The following KCNQ3 variants were observed in gnomAD, a reference collection of about 807,000 sequenced individuals.
KCNQ3 encodes potassium voltage-gated channel subfamily Q member 3.
KCNQ3 carries 30 observed loss-of-function variants against 92.5 expected under a neutral mutation model. The ratio of observed to expected loss-of-function variants is 0.32; its 90% CI spans 0.24 to 0.44. The LOEUF is 0.44. Ranked by LOEUF, KCNQ3 falls within the 20% of genes least tolerant of loss-of-function variation. The probability of loss-of-function intolerance (pLI) is 1.00; values close to 1 mark genes in which losing one functional copy is unlikely to be tolerated. For synonymous variants in KCNQ3, 450 were observed against 468.8 expected (o/e 0.96, Z 0.52); for missense variants, 913 against 1,140.3 (o/e 0.80, Z 2.87).
At chr8:132,141,442 T>C in intron 9 of KCNQ3, 111 bp from the exon 10 acceptor site, 1 of 950,936 alleles carries the variant, frequency 1.1e-6, no homozygotes, top group Admixed American at 2.0e-5. Flanking sequence ...ATGGGGACCG[T>C]GCATTTCACA....
At chr8:132,183,956 C>T (rs957362298) in intron 3 of KCNQ3, among the ~76,000 whole-genome samples, 2 of 152,156 alleles carry the variant, frequency 1.3e-5, no homozygotes, top group African/African-American at 4.8e-5. Context: ...CAATATCCTG[C>T]AACCTGCTTG....
intron 1 of KCNQ3, among the ~76,000 whole-genome samples, chr8:132,269,859 G>A (rs1816098788): frequency 6.6e-6 from 1 of 152,148 alleles, no homozygotes; most frequent in South Asian, 2.1e-4. Context: ...GAGGGCAGGG[G>A]CTCATAAATA....
chr8:132,146,480 G>T (rs943869601), intron 9 of KCNQ3, among the ~76,000 whole-genome samples: 2 of 152,206 alleles, frequency 1.3e-5, no homozygotes, highest in Non-Finnish European at 2.9e-5. Context: ...CAGGGCCTGG[G>T]AGCATGGAAC....
chr8:132,154,192 A>ATTTTTTTTTTTTTTTTTTTTT (rs1563775830), intron 9 of KCNQ3, among the ~76,000 whole-genome samples: 7 of 104,474 alleles, frequency 6.7e-5, no homozygotes, highest in African/African-American at 2.0e-4. Context: ...AAAGGGTAAA[A>ATTTTTTTTTTTTTTTTTTTTT]GTTTTTTTTT....
chr8:132,233,201 T>C (rs969618053), intron 1 of KCNQ3, among the ~76,000 whole-genome samples: 3 of 152,216 alleles, frequency 2.0e-5, no homozygotes, highest in African/African-American at 4.8e-5. Context: ...TAGTCAAAAG[T>C]TGGAAGCAAA....
At chr8:132,273,656 A>C (rs1472533118) in intron 1 of KCNQ3, among the ~76,000 whole-genome samples, 1 of 152,122 alleles carries the variant, frequency 6.6e-6, no homozygotes, top group Non-Finnish European at 1.5e-5. Context: ...TCAGGGTGCA[A>C]ATTTTCCAAA....
intron 1 of KCNQ3, among the ~76,000 whole-genome samples, chr8:132,208,358 C>A (rs929746906): frequency 2.6e-5 from 4 of 151,986 alleles, no homozygotes; most frequent in Non-Finnish European, 4.4e-5. Flanking sequence ...TTAAAAAAAA[C>A]CGCACAGCAT....
rs1454977553 is a variant in KCNQ3, at chr8:132,417,284, C to T, written c.386+62863G>A. 3.3e-5 allele frequency among the ~76,000 whole-genome samples: 5 copies of T among 152,128 alleles called. 1 individual carries two copies. The South Asian group carries it at 1.0e-3, about 32-fold the overall frequency. On this transcript the variant is annotated intron_variant, in intron 1 of 14. Transcript: ENST00000388996. The stretch of plus-strand genomic sequence containing the variant: ...CAACTAAGGAGGCCAGGGGAGAGAC[C>T]AGTTGTCAGAAACCAGGAAAACTGA...
chr8:132,364,670 TGGACGGAC>T (rs142558838), intron 1 of KCNQ3, among the ~76,000 whole-genome samples: 20 of 149,218 alleles, frequency 1.3e-4, no homozygotes, highest in East Asian at 9.8e-4. Flanking sequence ...AGTAAATGGA[TGGACGGAC>T]GGACGGACGG....
intron 1 of KCNQ3, among the ~76,000 whole-genome samples, chr8:132,324,239 G>A (rs1817976954): frequency 6.6e-6 from 1 of 152,112 alleles, no homozygotes. Context: ...TCCTCCTTTA[G>A]CTTATACATG....
At chr8:132,205,470 T>G (rs1409542942) in intron 1 of KCNQ3, among the ~76,000 whole-genome samples, 1 of 152,190 alleles carries the variant, frequency 6.6e-6, no homozygotes, top group Non-Finnish European at 1.5e-5. Flanking sequence ...TAACAAACAC[T>G]TACAGAGCAC....
rs1273663003 is a variant in KCNQ3 at position 132,122,471 on chromosome 8, T to G, written c.*6791A>C. 1 of 152,244 alleles carries G rather than the reference T, an allele frequency of 6.6e-6. No individual in the cohort carries two copies. The highest frequency in any genetic ancestry group is 1.5e-5 in the Non-Finnish European group (1 of 68,042). 9.4% of individuals were successfully genotyped at this position (152,244 alleles called of 1,614,324 possible). A position where few individuals can be genotyped will look rare whatever the true frequency, so the allele number is the denominator to read the frequency against. The stretch of plus-strand genomic sequence containing the variant: ...GAATTACAAATACATTCCTGAGCAC[T>G]GAGCTGGGCTTTTGACTACCTCATT... On this transcript the variant is annotated 3_prime_UTR_variant, in exon 15 of 15. Transcript: ENST00000388996.
At chr8:132,266,120 G>T (rs575821028) in intron 1 of KCNQ3, among the ~76,000 whole-genome samples, 1 of 152,202 alleles carries the variant, frequency 6.6e-6, no homozygotes, top group African/African-American at 2.4e-5. Flanking sequence ...TACCATTTAT[G>T]CAAAGTGCCT....
At chr8:132,360,579 C>T (rs73708406) in intron 1 of KCNQ3, among the ~76,000 whole-genome samples, 1,978 of 152,296 alleles carry the variant, frequency 0.013, 43 homozygotes, top group African/African-American at 0.046. Context: ...CCACCTCCAG[C>T]CCAGCCCTTG....
At chr8:132,353,027 C>A (rs1474654324) in intron 1 of KCNQ3, among the ~76,000 whole-genome samples, 1 of 152,112 alleles carries the variant, frequency 6.6e-6, no homozygotes, top group African/African-American at 2.4e-5. Flanking sequence ...GAGTTTGAGA[C>A]CAGCCTGCCC....
At chr8:132,258,367 C>T (rs977940753) in intron 1 of KCNQ3, among the ~76,000 whole-genome samples, 7 of 151,904 alleles carry the variant, frequency 4.6e-5, no homozygotes, top group African/African-American at 1.7e-4. Flanking sequence ...TTGAGAAATT[C>T]ATAAATATAT....
At chr8:132,152,835 T>A (rs112391458) in intron 9 of KCNQ3, among the ~76,000 whole-genome samples, 21 of 152,100 alleles carry the variant, frequency 1.4e-4, no homozygotes, top group African/African-American at 5.1e-4. Flanking sequence ...TATCTGAGAT[T>A]CCTTGTGGGA....
rs1826291023 is a variant in KCNQ3, at chr8:132,170,390, A to T, written c.1179T>A (p.Ile393=). ...AAAATCTCCATGTCGCCACCAGGTCAATCCTGTTGGGGTTGGTAGCATAAT... is the reference window on the plus strand; with the variant it reads ...AAAATCTCCATGTCGCCACCAGGTCTATCCTGTTGGGGTTGGTAGCATAAT... ...WRYYATNPNR[I]DLVATWRFYE... The change falls in exon 8 of 15, where the codon ATT becomes ATA. Residue 393 remains isoleucine, a synonymous_variant. Transcript: ENST00000388996. 2 of 1,613,728 alleles carry T rather than the reference A, an allele frequency of 1.2e-6. No individual in the cohort carries two copies. Among genetic ancestry groups the T allele is most frequent in the Non-Finnish European group, 1.7e-6 (2 of 1,179,872 alleles).
At chr8:132,215,068 G>T in intron 1 of KCNQ3, among the ~76,000 whole-genome samples, 1 of 152,168 alleles carries the variant, frequency 6.6e-6, no homozygotes, top group South Asian at 2.1e-4. Flanking sequence ...TGCACCTGTC[G>T]TTCCCCCTGG....
Sources: gnomAD v4.1 joint callset for allele counts (sites outside exome capture counted in the v4.1 genomes callset) on GRCh38, gnomAD v4.1.1 for gene constraint, MANE v1.5 for transcripts, NCBI Gene and HGNC (gene_info 2026-07-23, HGNC 2026-07-21) for gene names.